TACC1: variants seen among roughly 807,000 people sequenced by gnomAD.
TACC1 encodes the protein transforming acidic coiled-coil-containing protein 1.
In TACC1, 48 loss-of-function variants were observed where a neutral mutation model predicts 84.4. That is an observed-to-expected ratio of 0.57 (90% CI 0.45 to 0.72). TACC1 has a LOEUF of 0.72. Among genes scored for constraint, TACC1 ranks in the 30% least tolerant of loss-of-function variants. The pLI, the probability that TACC1 is intolerant of heterozygous loss-of-function variation, is 0.00. For missense variants in TACC1, 920 were observed against 973.0 expected (o/e 0.95, Z 0.72); for synonymous variants, 372 against 376.3 (o/e 0.99, Z 0.13).
chr8:38,754,287 C>A (rs1809603912), intron 3 of TACC1, among the ~76,000 whole-genome samples: 1 of 152,094 alleles, frequency 6.6e-6, no homozygotes. Context: ...AGTGGCCCCA[C>A]CCTGTGCCTT....
intron 5 of TACC1, among the ~76,000 whole-genome samples, chr8:38,828,926 A>T (rs1828692300): frequency 6.6e-6 from 1 of 152,176 alleles, no homozygotes; most frequent in South Asian, 2.1e-4. Flanking sequence ...TTTTCCTGGT[A>T]CAGATGTGGT....
At position 38,850,531 on chromosome 8, in the gene TACC1, C is replaced by T. The variant is rs1174976215; in HGVS notation, c.*2508C>T. The T allele has an allele frequency of 6.6e-6, 1 of 152,052 alleles. No individual in the cohort carries two copies. The highest frequency in any genetic ancestry group is 1.9e-4 in the East Asian group (1 of 5,194). 9.4% of individuals were successfully genotyped at this position (152,052 alleles called of 1,614,324 possible). ...AAAGGGCCGGGCACAGTGGCTTATT[C>T]CTGTAATCCCAACACTGTGGAAGGC... is the stretch of plus-strand genomic sequence containing the variant. On this transcript the variant is annotated 3_prime_UTR_variant, in exon 13 of 13. Coordinates refer to ENST00000317827, the MANE Select transcript of TACC1 (RefSeq NM_006283.3).
At chr8:38,770,549 G>T (rs1407977198) in intron 3 of TACC1, among the ~76,000 whole-genome samples, 3 of 152,090 alleles carry the variant, frequency 2.0e-5, no homozygotes, top group African/African-American at 7.2e-5. Flanking sequence ...TCAGTTCCTC[G>T]CAGGCTGCGG....
intron 3 of TACC1, among the ~76,000 whole-genome samples, chr8:38,768,525 G>A (rs748382608): frequency 1.1e-4 from 16 of 152,262 alleles, no homozygotes; most frequent in Non-Finnish European, 1.8e-4. Flanking sequence ...CAGAAGGAAC[G>A]GGAGTGTCAA....
intron 2 of TACC1, chr8:38,742,455 A>T (rs1309298406): frequency 1.3e-6 from 2 of 1,528,434 alleles, no homozygotes; most frequent in African/African-American, 2.7e-5. Context: ...ATCAAAGGTA[A>T]TTCTTTTCTT....
chr8:38,732,441 A>C (rs926748995), intron 1 of TACC1, among the ~76,000 whole-genome samples: 9 of 152,136 alleles, frequency 5.9e-5, no homozygotes, highest in East Asian at 1.9e-4. Context: ...ACAAAAAAAA[A>C]CCCAGGAGAT....
chr8:38,843,385 A>G lies in TACC1; in HGVS notation c.2218A>G (p.Lys740Glu). The G allele has an allele frequency of 6.2e-7, 1 of 1,605,148 alleles. No homozygotes were observed. Among genetic ancestry groups the G allele is most frequent in the Non-Finnish European group, 8.5e-7 (1 of 1,175,512 alleles). Residue 740 changes from lysine to glutamate, a missense_variant, in exon 11 of 13, where the codon AAA becomes GAA. This residue lies in a region of TACC1 where 158 missense variants were observed against 225.6 expected (regional missense o/e 0.70). Transcript: ENST00000317827. ...YQALKIHAEEKLDKANEEIAQ... is the reference protein window; with the variant it reads ...YQALKIHAEEELDKANEEIAQ... The stretch of plus-strand genomic sequence containing the variant: ...GGCCCTGAAAATCCACGCAGAAGAG[A>G]AACTGGACAAGTAAGAGCTTGTAAA...
chr8:38,845,582 G>A (rs1416000890), intron 11 of TACC1, among the ~76,000 whole-genome samples: 5 of 152,054 alleles, frequency 3.3e-5, no homozygotes, highest in Non-Finnish European at 7.4e-5. Flanking sequence ...TTATTAGGTC[G>A]TGGAACTATA....
In TACC1 at chr8:38,788,745, C is replaced by T. The variant is rs1817925243; in HGVS notation, c.203C>T (p.Thr68Ile). The T allele has an allele frequency of 6.2e-7, 1 of 1,613,916 alleles. No individual in the cohort carries two copies. Among genetic ancestry groups the T allele is most frequent in the African/African-American group, 1.3e-5 (1 of 74,910 alleles). Residue 68 changes from threonine (T) to isoleucine (I), a missense_variant, in exon 2 of 13, where the codon ACC (threonine) becomes ATC (isoleucine). By Grantham distance (89) the Thr-to-Ile change is moderately conservative (BLOSUM62 -1). Around this residue, in one of 2 missense-constraint regions of TACC1, gnomAD observed 762 missense variants for 747.3 expected, o/e 1.02. Transcript: ENST00000317827. ...EGNFETPEAE[T>I]PIRSPFKESC... Reference sequence around the variant, plus strand: ...AATTTTGAGACTCCTGAAGCTGAAACCCCGATCCGATCACCTTTCAAGGAG... The same window carrying T: ...AATTTTGAGACTCCTGAAGCTGAAATCCCGATCCGATCACCTTTCAAGGAG...
chr8:38,738,527 T>TA (rs1806426819), intron 1 of TACC1, among the ~76,000 whole-genome samples: 1 of 152,234 alleles, frequency 6.6e-6, no homozygotes, highest in Non-Finnish European at 1.5e-5. Context: ...CTTTGAGTTG[T>TA]AATCAAATAC....
At chr8:38,843,229 A>G in intron 10 of TACC1, 60 bp from the exon 11 acceptor site, 1 of 1,131,024 alleles carries the variant, frequency 8.8e-7, no homozygotes, top group Non-Finnish European at 1.2e-6. Flanking sequence ...AAACTCTGAT[A>G]TGTGGTAGAT....
intron 1 of TACC1, 78 bp from the exon 2 acceptor site, chr8:38,788,626 C>A: frequency 8.7e-7 from 1 of 1,146,480 alleles, no homozygotes. Context: ...GACTTTTAGC[C>A]TCTGTGAATA....
chr8:38,755,738 A>G (rs956953295), intron 3 of TACC1, among the ~76,000 whole-genome samples: 135 of 93,746 alleles, frequency 1.4e-3, no homozygotes, highest in African/African-American at 2.7e-3. Context: ...CAACAACAAC[A>G]ACAACAACAA....
chr8:38,732,839 CATTATAGTTCTAGTGA>C (rs1805229463), intron 1 of TACC1, among the ~76,000 whole-genome samples: 1 of 152,206 alleles, frequency 6.6e-6, no homozygotes, highest in African/African-American at 2.4e-5. Flanking sequence ...TTAAACCCAA[CATTATAGTTCTAGTGA>C]ATCTAATAAT....
At chr8:38,797,993 A>G (rs578171366) in intron 2 of TACC1, among the ~76,000 whole-genome samples, 8 of 152,340 alleles carry the variant, frequency 5.3e-5, no homozygotes, top group African/African-American at 1.9e-4. Context: ...AGACACATTC[A>G]TTGCTGGATT....
intron 3 of TACC1, among the ~76,000 whole-genome samples, chr8:38,769,900 G>T (rs888152461): frequency 6.6e-6 from 1 of 150,708 alleles, no homozygotes; most frequent in Admixed American, 6.6e-5. Context: ...ATGGGTGAGG[G>T]TGTGTGGTGT....
intron 5 of TACC1, chr8:38,827,926 C>G (rs1828466201): frequency 6.3e-6 from 1 of 157,908 alleles, no homozygotes; most frequent in African/African-American, 2.4e-5. Context: ...TTCACAGAAA[C>G]TAACAGCAAG....
At chr8:38,753,703 C>T (rs1228058309) in intron 3 of TACC1, among the ~76,000 whole-genome samples, 1 of 152,186 alleles carries the variant, frequency 6.6e-6, no homozygotes, top group East Asian at 1.9e-4. Flanking sequence ...TGGCCCAAAG[C>T]CCCAGCTGCC....
intron 11 of TACC1, chr8:38,844,908 G>C (rs1250426807): frequency 6.6e-6 from 1 of 152,002 alleles, no homozygotes; most frequent in Non-Finnish European, 1.5e-5. Context: ...ATCCTGGGGA[G>C]TGTTATCCAA....
Sources: gnomAD v4.1 joint callset for allele counts (sites outside exome capture counted in the v4.1 genomes callset) on GRCh38, gnomAD v4.1.1 for gene constraint, gnomAD v4.1.1 regional missense constraint, MANE v1.5 for transcripts, NCBI Gene and HGNC (gene_info 2026-07-23, HGNC 2026-07-21) for gene names.